Variants in HACD3 observed in about 807,000 individuals in gnomAD.
HACD3 encodes the protein very-long-chain (3R)-3-hydroxyacyl-CoA dehydratase 3.
In HACD3, 30 loss-of-function variants were observed where a neutral mutation model predicts 55.2. The observed-to-expected ratio is 0.54, with a 90% CI of 0.41 to 0.74. The LOEUF (loss-of-function observed/expected upper bound fraction) is 0.74, where lower values mean the gene tolerates loss of function less well. HACD3 is among the 30% of genes least tolerant of loss of function. HACD3 has a pLI of 0.00. For synonymous variants in HACD3, 141 were observed against 151.7 expected (o/e 0.93, Z 0.52); for missense variants, 363 against 440.1 (o/e 0.82, Z 1.57).
In HACD3 at chr15:65,554,008, G is replaced by A. The variant is rs565122897; in HGVS notation, c.131-879G>A. Reference sequence around the variant, plus strand: ...GTTCCACCTGTCCTTCATAAGCTGCGAAAGATTGTATTTCTTTTTCCTTGT... The same window carrying A: ...GTTCCACCTGTCCTTCATAAGCTGCAAAAGATTGTATTTCTTTTTCCTTGT... On this transcript the variant is annotated intron_variant, in intron 2 of 10. Coordinates refer to ENST00000261875, the MANE Select transcript of HACD3 (RefSeq NM_016395.4). Among the ~76,000 whole-genome samples, 14 of 152,314 alleles carry A rather than the reference G, an allele frequency of 9.2e-5. No homozygotes were observed. In the South Asian group the frequency reaches 1.0e-3, roughly 11 times the overall value.
intron 1 of HACD3, among the ~76,000 whole-genome samples, chr15:65,542,243 A>AAG (rs1401411245): frequency 2.5e-5 from 3 of 118,908 alleles, no homozygotes; most frequent in African/African-American, 5.5e-5. Context: ...AAAAAAAAAA[A>AAG]AAAGAAAAGA....
intron 1 of HACD3, among the ~76,000 whole-genome samples, chr15:65,545,705 C>T (rs959998884): frequency 2.6e-5 from 4 of 151,852 alleles, no homozygotes; most frequent in Admixed American, 6.6e-5. Context: ...CCGCCCGCCT[C>T]GGCCTCCCAA....
rs2072354928 is a variant in HACD3, at chr15:65,572,215, G to A, written c.881-20G>A. 6.2e-7 allele frequency: 1 copy of A among 1,610,238 alleles called. No homozygotes were observed. The highest frequency in any genetic ancestry group is 8.5e-7 in the Non-Finnish European group (1 of 1,179,240). On this transcript the variant is annotated intron_variant, in intron 9 of 10. Coordinates refer to ENST00000261875, the MANE Select transcript of HACD3 (RefSeq NM_016395.4). The stretch of plus-strand genomic sequence containing the variant: ...TGACTGTTTCATTTGCTTCTAACAA[G>A]TTCTTGTTTCTGTTTTCAGCTGTCT...
chr15:65,558,577 A>G, intron 4 of HACD3, 103 bp from the exon 5 acceptor site: 1 of 1,049,850 alleles, frequency 9.5e-7, no homozygotes, highest in Non-Finnish European at 1.4e-6. Flanking sequence ...CAACTGGAGG[A>G]GTTGGCTTTG....
At chr15:65,554,761 C>G (rs920929476) in intron 2 of HACD3, 126 bp from the exon 3 acceptor site, 2 of 621,784 alleles carry the variant, frequency 3.2e-6, no homozygotes, top group Non-Finnish European at 5.8e-6. Context: ...GGCAACAGAG[C>G]AAGACTCTGT....
chr15:65,576,492 T>C lies in HACD3; in HGVS notation c.*113T>C, dbSNP rs1038159628. ...TAATGTTAAATGATTAAATTCTCAG[T>C]GAGGCTATCTTCCTTTTCCCCAGTA... On this transcript the variant is annotated 3_prime_UTR_variant, in exon 11 of 11. Coordinates refer to ENST00000261875, the MANE Select transcript of HACD3 (RefSeq NM_016395.4). 12 of 1,106,398 alleles carry C rather than the reference T, an allele frequency of 1.1e-5. No homozygotes were observed. Among genetic ancestry groups the C allele is most frequent in the Non-Finnish European group, 1.5e-5 (12 of 786,210 alleles). The allele number at this position is 1,106,398 out of a possible 1,614,324, so 68.5% of individuals were successfully genotyped here. A position where few individuals can be genotyped will look rare whatever the true frequency, so the allele number is the denominator to read the frequency against.
In HACD3 at chr15:65,576,272, T is replaced by C. The variant is rs757532487; in HGVS notation, c.1013-31T>C. On this transcript the variant is annotated intron_variant, in intron 10 of 10. Coordinates refer to ENST00000261875, the MANE Select transcript of HACD3 (RefSeq NM_016395.4). ...TCTGGTTATAAATAGACAAAGACTCTAATTTCTAATTGACCTCTTTTCTTT... is the reference window on the plus strand; with the variant it reads ...TCTGGTTATAAATAGACAAAGACTCCAATTTCTAATTGACCTCTTTTCTTT... 11 of 1,563,170 alleles carry C rather than the reference T, an allele frequency of 7.0e-6. No individual in the cohort carries two copies. In the African/African-American group the frequency reaches 1.5e-4, roughly 21 times the overall value.
intron 3 of HACD3, among the ~76,000 whole-genome samples, chr15:65,556,530 C>T (rs931988295): frequency 1.3e-5 from 2 of 152,072 alleles, no homozygotes; most frequent in Non-Finnish European, 2.9e-5. Context: ...CTGTGTGGCC[C>T]GATTCCCAAC....
intron 4 of HACD3, among the ~76,000 whole-genome samples, chr15:65,557,529 A>G (rs2072205616): frequency 6.6e-6 from 1 of 151,724 alleles, no homozygotes; most frequent in South Asian, 2.1e-4. Context: ...GATATTAACC[A>G]TGGGTTAGCT....
chr15:65,539,955 C>A (rs1349148270), intron 1 of HACD3, among the ~76,000 whole-genome samples: 5 of 152,184 alleles, frequency 3.3e-5, no homozygotes, highest in Non-Finnish European at 7.3e-5. Flanking sequence ...TGGAAACGAC[C>A]AACTCCAATC....
chr15:65,552,629 C>G (rs2072145393), intron 2 of HACD3, among the ~76,000 whole-genome samples: 1 of 151,524 alleles, frequency 6.6e-6, no homozygotes. Flanking sequence ...AGCCACCGTG[C>G]CTGTTTTTTG....
chr15:65,562,636 C>T (rs2072254543), intron 5 of HACD3, 138 bp from the exon 6 acceptor site: 2 of 1,181,174 alleles, frequency 1.7e-6, no homozygotes, highest in Admixed American at 2.7e-5. Flanking sequence ...TGGTGAGGAC[C>T]TGGACCAGGT....
At chr15:65,553,724 A>T (rs918175099) in intron 2 of HACD3, among the ~76,000 whole-genome samples, 1 of 152,248 alleles carries the variant, frequency 6.6e-6, no homozygotes, top group African/African-American at 2.4e-5. Context: ...TAAGGAATTT[A>T]TCGTCACAGA....
intron 10 of HACD3, chr15:65,574,297 A>G (rs1408179975): frequency 6.6e-6 from 1 of 152,204 alleles, no homozygotes; most frequent in East Asian, 1.9e-4. Context: ...GGCTGTTGAC[A>G]GGAAGCTTCA....
intron 1 of HACD3, among the ~76,000 whole-genome samples, chr15:65,539,214 T>C (rs1288680490): frequency 6.2e-3 from 27 of 4,362 alleles, no homozygotes; most frequent in Admixed American, 0.019. Flanking sequence ...ACAGGACTTT[T>C]TTTTTTTTTT....
chr15:65,559,211 C>T (rs2072222340), intron 5 of HACD3, among the ~76,000 whole-genome samples: 1 of 152,182 alleles, frequency 6.6e-6, no homozygotes, highest in Admixed American at 6.5e-5. Flanking sequence ...TTCCGTCTAA[C>T]CACTTTAAGC....
intron 4 of HACD3, 63 bp downstream of exon 4, chr15:65,556,966 G>A (rs187398104): frequency 6.8e-7 from 1 of 1,476,466 alleles, no homozygotes; most frequent in East Asian, 2.4e-5. Context: ...CGTTATTCAG[G>A]CCACTTCAGA....
intron 7 of HACD3, among the ~76,000 whole-genome samples, chr15:65,567,930 CTTTTT>C (rs747363151): frequency 2.3e-5 from 3 of 130,988 alleles, no homozygotes; most frequent in South Asian, 2.4e-4. Flanking sequence ...TAGTTTCTTT[CTTTTT>C]TTTTTTTTTG....
intron 1 of HACD3, among the ~76,000 whole-genome samples, chr15:65,548,512 CA>C (rs5813362): frequency 0.27 from 21,314 of 79,246 alleles, 1,947 homozygotes; most frequent in East Asian, 0.67. Flanking sequence ...GATTCTGTCT[CA>C]AAAAAAAAAA....
Sources: allele counts gnomAD v4.1 joint callset (sites outside exome capture counted in the v4.1 genomes callset), GRCh38; gene constraint gnomAD v4.1.1; transcripts MANE v1.5; gene names NCBI Gene and HGNC (gene_info 2026-07-23, HGNC 2026-07-21).